Variants in MYO16 observed in about 807,000 individuals in gnomAD.
The protein encoded by MYO16 is myosin XVI, also known as unconventional myosin-XVI.
MYO16 carries 94 observed loss-of-function variants against 205.3 expected under a neutral mutation model. The ratio of observed to expected loss-of-function variants is 0.46; its 90% CI spans 0.39 to 0.54. The LOEUF (loss-of-function observed/expected upper bound fraction) is 0.54, where lower values mean the gene tolerates loss of function less well. MYO16 is among the 20% of genes least tolerant of loss of function. MYO16 has a pLI of 0.00. For synonymous variants in MYO16, 988 were observed against 954.0 expected (o/e 1.04, Z -0.66); for missense variants, 2,315 against 2,387.5 (o/e 0.97, Z 0.63).
chr13:108,697,796 A>C (rs1366762778), intron 2 of MYO16, among the ~76,000 whole-genome samples: 2 of 151,866 alleles, frequency 1.3e-5, no homozygotes, highest in African/African-American at 4.8e-5. Flanking sequence ...GATCCCAGCT[A>C]ACTGCAACCT....
At chr13:108,658,337 G>A (rs369399348) in intron 1 of MYO16, among the ~76,000 whole-genome samples, 6 of 151,506 alleles carry the variant, frequency 4.0e-5, no homozygotes, top group African/African-American at 7.3e-5. Context: ...AATTTCTCAC[G>A]TCTTTCTTCA....
chr13:108,627,318 A>G (rs1879781316), upstream of MYO16, among the ~76,000 whole-genome samples: 2 of 152,186 alleles, frequency 1.3e-5, no homozygotes, highest in Non-Finnish European at 2.9e-5. Flanking sequence ...CAGTTTATAC[A>G]TAGAAAGCAC....
At position 108,848,741 on chromosome 13, in the gene MYO16, G is replaced by C. The variant is rs986556216; in HGVS notation, c.1248+4248G>C. On this transcript the variant is annotated intron_variant, in intron 10 of 34. Coordinates refer to ENST00000457511, the MANE Select transcript of MYO16 (RefSeq NM_001198950.3). ...GAGGTGGGAGGATTGCTTGAGTTCA[G>C]AAGTTGGAGGCTGCGGTGAGCTAGG... Among the ~76,000 whole-genome samples, 6 of 152,304 alleles carry C rather than the reference G, an allele frequency of 3.9e-5. No individual in the cohort carries two copies. In the South Asian group the frequency reaches 1.2e-3, roughly 32 times the overall value.
At chr13:108,792,781 G>A (rs565392026) in intron 5 of MYO16, among the ~76,000 whole-genome samples, 1 of 151,954 alleles carries the variant, frequency 6.6e-6, no homozygotes, top group South Asian at 2.1e-4. Context: ...TAAAATGCTG[G>A]GATTACAGGT....
intron 12 of MYO16, among the ~76,000 whole-genome samples, chr13:108,876,669 CTTTTT>C (rs35250959): frequency 2.2e-5 from 3 of 135,252 alleles, no homozygotes; most frequent in African/African-American, 8.2e-5. Flanking sequence ...TATTCTCTCT[CTTTTT>C]TTTTTTTTTT....
intron 4 of MYO16, among the ~76,000 whole-genome samples, chr13:108,737,009 G>T (rs547118930): frequency 1.3e-4 from 20 of 152,290 alleles, no homozygotes; most frequent in African/African-American, 4.8e-4. Context: ...TTTTGCTGAA[G>T]TTGCTTATCA....
chr13:108,925,292 T>C (rs1357791201), intron 16 of MYO16, among the ~76,000 whole-genome samples: 2 of 152,098 alleles, frequency 1.3e-5, no homozygotes, highest in African/African-American at 2.4e-5. Context: ...TTGGGGCGAG[T>C]GTCACAGAGA....
At chr13:108,882,125 T>A (rs1212140488) in intron 12 of MYO16, among the ~76,000 whole-genome samples, 1 of 152,194 alleles carries the variant, frequency 6.6e-6, no homozygotes, top group Non-Finnish European at 1.5e-5. Flanking sequence ...AAAATACTTT[T>A]CTGGCATGTG....
chr13:108,557,967 G>T, the MYO16 span, among the ~76,000 whole-genome samples: 1 of 152,070 alleles, frequency 6.6e-6, no homozygotes, highest in African/African-American at 2.4e-5. Context: ...ACATAGTGAG[G>T]CTACATAATA....
At chr13:108,573,583 A>G in the MYO16 span, among the ~76,000 whole-genome samples, 26,112 of 152,162 alleles carry the variant, frequency 0.17, 2,489 homozygotes, top group Non-Finnish European at 0.22. Context: ...TAGATTCTGA[A>G]CAAGAAAGAA....
At chr13:109,022,502 A>G (rs1886092710) in intron 23 of MYO16, among the ~76,000 whole-genome samples, 1 of 37,160 alleles carries the variant, frequency 2.7e-5, no homozygotes. Flanking sequence ...TACAATATAA[A>G]CATATGTATA....
At chr13:109,115,702 T>G (rs1183557826) in intron 28 of MYO16, among the ~76,000 whole-genome samples, 1 of 152,154 alleles carries the variant, frequency 6.6e-6, no homozygotes, top group Non-Finnish European at 1.5e-5. Context: ...TCAAAAATGG[T>G]CAATAATTTT....
chr13:109,074,002 T>A (rs1168236659), intron 27 of MYO16, among the ~76,000 whole-genome samples: 4 of 152,216 alleles, frequency 2.6e-5, no homozygotes, highest in Non-Finnish European at 4.4e-5. Context: ...AAACTATACA[T>A]CAGAAGGAGA....
At chr13:109,090,697 G>A (rs528893245) in intron 27 of MYO16, among the ~76,000 whole-genome samples, 13 of 152,208 alleles carry the variant, frequency 8.5e-5, no homozygotes, top group African/African-American at 2.9e-4. Flanking sequence ...GGGAAGGAGG[G>A]AAAAAATGTG....
intron 32 of MYO16, among the ~76,000 whole-genome samples, chr13:109,155,951 A>T (rs2139849027): frequency 6.6e-6 from 1 of 152,366 alleles, no homozygotes; most frequent in Non-Finnish European, 1.5e-5. Flanking sequence ...GAAAGGAAAG[A>T]AAATTCTATC....
intron 2 of MYO16, among the ~76,000 whole-genome samples, chr13:108,679,382 C>T (rs1014368354): frequency 1.3e-5 from 2 of 152,122 alleles, no homozygotes; most frequent in African/African-American, 4.8e-5. Flanking sequence ...TATCCTCTCC[C>T]AGGAGACTGT....
chr13:108,509,608 C>G, the MYO16 span, among the ~76,000 whole-genome samples: 3 of 152,144 alleles, frequency 2.0e-5, no homozygotes, highest in Non-Finnish European at 4.4e-5. Context: ...TTCAGTTGAT[C>G]AGCATAATCT....
intron 24 of MYO16, chr13:109,048,426 G>A (rs1887122888): frequency 4.6e-6 from 3 of 652,330 alleles, no homozygotes; most frequent in East Asian, 5.1e-5. Flanking sequence ...TTTTTGTAAA[G>A]GGCTAGAGAA....
chr13:108,806,470 AAATT>A (rs1268306687), intron 6 of MYO16, among the ~76,000 whole-genome samples: 3 of 152,218 alleles, frequency 2.0e-5, no homozygotes, highest in African/African-American at 7.2e-5. Context: ...GTTGGAAGGA[AAATT>A]AATAAACATA....
Sources: allele counts gnomAD v4.1 joint callset (sites outside exome capture counted in the v4.1 genomes callset), GRCh38; gene constraint gnomAD v4.1.1; transcripts MANE v1.5; gene names NCBI Gene and HGNC (gene_info 2026-07-23, HGNC 2026-07-21).